KSR1: variants seen among roughly 807,000 people sequenced by gnomAD.
KSR1 encodes the protein kinase suppressor of ras 1.
Under a neutral mutation model 92.9 loss-of-function variants are expected in KSR1, and 35 were observed. The observed-to-expected ratio is 0.38, with a 90% confidence interval of 0.29 to 0.50. KSR1 has a LOEUF of 0.50. Among genes scored for constraint, KSR1 ranks in the 20% least tolerant of loss-of-function variants. The pLI, the probability that KSR1 is intolerant of heterozygous loss-of-function variation, is 0.94. For missense variants in KSR1, 972 were observed against 1,158.5 expected, an observed-to-expected ratio of 0.84 and a Z score of 2.34; for synonymous variants, 467 against 472.6, an observed-to-expected ratio of 0.99 and a Z score of 0.15.
At chr17:27,546,666 G>T (rs1002457313) in intron 1 of KSR1, among the ~76,000 whole-genome samples, 1 of 152,202 alleles carries the variant, frequency 6.6e-6, no homozygotes, top group Non-Finnish European at 1.5e-5. Flanking sequence ...AGGGCCAGGG[G>T]CTATGGAACG....
At chr17:27,610,745 T>A (rs2073892091) in intron 17 of KSR1, among the ~76,000 whole-genome samples, 1 of 152,278 alleles carries the variant, frequency 6.6e-6, no homozygotes, top group South Asian at 2.1e-4. Context: ...TAACTCAATA[T>A]ATCCAAAATA....
intron 13 of KSR1, among the ~76,000 whole-genome samples, chr17:27,605,059 C>A (rs187545909): frequency 7.7e-4 from 117 of 152,306 alleles, no homozygotes; most frequent in Middle Eastern, 3.4e-3. Flanking sequence ...TACTCCTGCC[C>A]AGGGGAGAGT....
intron 1 of KSR1, among the ~76,000 whole-genome samples, chr17:27,461,137 A>T (rs2019414072): frequency 6.6e-6 from 1 of 152,090 alleles, no homozygotes; most frequent in Non-Finnish European, 1.5e-5. Flanking sequence ...GCTGGAGTAC[A>T]GTGGCATGAT....
At chr17:27,557,328 A>G (rs950316230) in intron 2 of KSR1, among the ~76,000 whole-genome samples, 5 of 152,232 alleles carry the variant, frequency 3.3e-5, no homozygotes, top group Non-Finnish European at 5.9e-5. Flanking sequence ...CACCACCAGC[A>G]TCAGGAGGAG....
intron 18 of KSR1, among the ~76,000 whole-genome samples, chr17:27,615,186 A>G (rs2074024570): frequency 6.6e-6 from 1 of 152,184 alleles, no homozygotes; most frequent in Admixed American, 6.5e-5. Context: ...GCACTCCGTT[A>G]TTTCTGCTGC....
chr17:27,456,927 C>T, intron 1 of KSR1, 53 bp downstream of exon 1: 1 of 752,428 alleles, frequency 1.3e-6, no homozygotes, highest in East Asian at 2.5e-5. Flanking sequence ...GGACACCTCC[C>T]TCCGGGCCCC....
At chr17:27,617,195 C>T (rs2074086625) in intron 18 of KSR1, 100 bp from the exon 19 acceptor site, 3 of 1,320,292 alleles carry the variant, frequency 2.3e-6, no homozygotes, top group Admixed American at 2.6e-5. Context: ...AGTTAGAGGG[C>T]ACTTGAGAAC....
intron 18 of KSR1, among the ~76,000 whole-genome samples, chr17:27,615,228 G>T (rs1313815775): frequency 6.6e-6 from 1 of 152,180 alleles, no homozygotes; most frequent in African/African-American, 2.4e-5. Flanking sequence ...ATTACTTATT[G>T]TTAAGGTTGC....
chr17:27,601,228 A>G, intron 10 of KSR1, 132 bp from the exon 11 acceptor site: 1 of 733,748 alleles, frequency 1.4e-6, no homozygotes, highest in South Asian at 1.7e-5. Flanking sequence ...TGTCCTTGCC[A>G]GGTCCATCTG....
chr17:27,591,822 C>T (rs2073176381), intron 7 of KSR1, among the ~76,000 whole-genome samples: 1 of 152,136 alleles, frequency 6.6e-6, no homozygotes. Flanking sequence ...ACCCTCAGCC[C>T]ATTAGTGAGA....
intron 7 of KSR1, among the ~76,000 whole-genome samples, chr17:27,591,221 G>A (rs905891606): frequency 6.6e-6 from 1 of 152,190 alleles, no homozygotes; most frequent in Non-Finnish European, 1.5e-5. Flanking sequence ...TGTAGCCCTC[G>A]AGAGGTGGCA....
intron 1 of KSR1, among the ~76,000 whole-genome samples, chr17:27,541,231 A>G (rs192129243): frequency 2.0e-4 from 31 of 152,328 alleles, no homozygotes; most frequent in African/African-American, 6.7e-4. Flanking sequence ...CTGGTCCACA[A>G]CTGCACCTGC....
At chr17:27,460,924 C>G (rs2019403062) in intron 1 of KSR1, among the ~76,000 whole-genome samples, 1 of 152,184 alleles carries the variant, frequency 6.6e-6, no homozygotes, top group Admixed American at 6.5e-5. Flanking sequence ...TTCTCCCAGT[C>G]TTTGGGGTCT....
intron 1 of KSR1, among the ~76,000 whole-genome samples, chr17:27,479,011 TGTGCTCTTCCCTCCCTCC>T: frequency 7.2e-6 from 1 of 138,870 alleles, no homozygotes; most frequent in Non-Finnish European, 1.6e-5. Context: ...TCTCTCCCTC[TGTGCTCTTCCCTCCCTCC>T]GTGCTCCTCC....
chr17:27,568,984 G>T (rs1051777480), intron 2 of KSR1, among the ~76,000 whole-genome samples: 2 of 152,178 alleles, frequency 1.3e-5, no homozygotes, highest in Non-Finnish European at 2.9e-5. Context: ...CAAGGTTAAC[G>T]CAGCTTTTTG....
At chr17:27,589,488 T>A (rs1219685673) in intron 6 of KSR1, among the ~76,000 whole-genome samples, 26 of 152,298 alleles carry the variant, frequency 1.7e-4, no homozygotes, top group Admixed American at 1.3e-4. Context: ...TCTGAGTTAG[T>A]TTCCTTGGCT....
chr17:27,457,700 G>C (rs1444793308), intron 1 of KSR1, among the ~76,000 whole-genome samples: 1 of 152,154 alleles, frequency 6.6e-6, no homozygotes, highest in East Asian at 1.9e-4. Context: ...AGGGTTGTTG[G>C]GGCACCCTGT....
rs2070295755 is a variant in KSR1, at chr17:27,526,308, C to G, written c.232-24260C>G. 7 of 1,003,182 alleles carry G rather than the reference C, an allele frequency of 7.0e-6. No homozygotes were observed. The South Asian group carries it at 9.8e-5, about 14-fold the overall frequency. The allele number at this position is 1,003,182 out of a possible 1,614,324, so 62.1% of individuals were successfully genotyped here. On this transcript the variant is annotated intron_variant, in intron 1 of 20. Transcript: ENST00000644974. ...AATTTTCCTAGTTGTCGCTCTGTTA[C>G]AGGTTACTGACCGCAAGTCCATGTT...
intron 1 of KSR1, among the ~76,000 whole-genome samples, chr17:27,506,230 C>T (rs1231794841): frequency 2.0e-5 from 3 of 152,188 alleles, no homozygotes; most frequent in Non-Finnish European, 4.4e-5. Flanking sequence ...GGCTTTGGCT[C>T]AGTGTGGCCT....
Sources: allele counts gnomAD v4.1 joint callset (sites outside exome capture counted in the v4.1 genomes callset), GRCh38; gene constraint gnomAD v4.1.1; transcripts MANE v1.5; gene names NCBI Gene and HGNC (gene_info 2026-07-23, HGNC 2026-07-21).